EBF2: variants seen among roughly 807,000 people sequenced by gnomAD.
The protein encoded by EBF2 is EBF transcription factor 2.
A neutral mutation model predicts 72.8 loss-of-function variants in EBF2; 21 were observed. That is an observed-to-expected ratio of 0.29 (90% confidence interval 0.20 to 0.42). The LOEUF is 0.42. Among genes scored for constraint, EBF2 ranks in the 10% least tolerant of loss-of-function variants. The probability of loss-of-function intolerance (pLI) is 1.00; values close to 1 mark genes in which losing one functional copy is unlikely to be tolerated. For synonymous variants in EBF2, 299 were observed against 274.2 expected (o/e 1.09, Z -0.89); for missense variants, 637 against 731.2 (o/e 0.87, Z 1.49).
At chr8:25,877,462 C>T (rs1224377661) in intron 10 of EBF2, among the ~76,000 whole-genome samples, 4 of 152,154 alleles carry the variant, frequency 2.6e-5, no homozygotes, top group African/African-American at 9.7e-5. Context: ...TAGCAAACCA[C>T]GGTTGGTGGA....
intron 6 of EBF2, among the ~76,000 whole-genome samples, chr8:25,914,081 G>A (rs1259803023): frequency 6.6e-6 from 1 of 152,054 alleles, no homozygotes; most frequent in African/African-American, 2.4e-5. Context: ...ACATCCTTTG[G>A]GCGATTAGGC....
At chr8:25,963,794 T>A (rs1804073219) in intron 6 of EBF2, among the ~76,000 whole-genome samples, 1 of 152,188 alleles carries the variant, frequency 6.6e-6, no homozygotes, top group South Asian at 2.1e-4. Context: ...GAATGGAATA[T>A]GTGGATTGCT....
intron 10 of EBF2, among the ~76,000 whole-genome samples, chr8:25,867,299 A>G (rs1338827389): frequency 6.6e-6 from 1 of 152,228 alleles, no homozygotes; most frequent in Admixed American, 6.5e-5. Context: ...AATCTTACAT[A>G]GCATGGACAG....
chr8:26,037,583 T>C (rs747352916), intron 5 of EBF2, among the ~76,000 whole-genome samples: 4 of 152,208 alleles, frequency 2.6e-5, no homozygotes, highest in Non-Finnish European at 5.9e-5. Context: ...AGCCTGCGCC[T>C]TGTGGCGAAA....
At chr8:25,876,397 G>A (rs1389222534) in intron 10 of EBF2, among the ~76,000 whole-genome samples, 4 of 152,088 alleles carry the variant, frequency 2.6e-5, no homozygotes, top group East Asian at 1.9e-4. Context: ...CGTCCTGCAC[G>A]TGTATCCCAG....
intron 6 of EBF2, among the ~76,000 whole-genome samples, chr8:25,972,098 G>A (rs937298279): frequency 6.6e-6 from 1 of 152,238 alleles, no homozygotes; most frequent in African/African-American, 2.4e-5. Context: ...CTACGTGGCT[G>A]TTCCCCGGAA....
At position 26,009,947 on chromosome 8, in the gene EBF2, G is replaced by A. The variant is rs1804949740; in HGVS notation, c.551+23138C>T. 2.0e-5 allele frequency among the ~76,000 whole-genome samples: 3 copies of A among 152,186 alleles called. No homozygotes were observed. The South Asian group carries it at 6.2e-4, about 32-fold the overall frequency. ...ATTTCACTGGACGCCCTCCACTTCAGATACCATTGGCTCGAACTCCTATTA... is the reference window on the plus strand; with the variant it reads ...ATTTCACTGGACGCCCTCCACTTCAAATACCATTGGCTCGAACTCCTATTA... On this transcript the variant is annotated intron_variant, in intron 6 of 15. Transcript: ENST00000520164.
intron 14 of EBF2, among the ~76,000 whole-genome samples, chr8:25,854,707 A>AG (rs1054740072): frequency 6.6e-6 from 1 of 151,988 alleles, no homozygotes; most frequent in Non-Finnish European, 1.5e-5. Context: ...GAATTCAAAG[A>AG]GGTTATTCTT....
Position 25,901,305 on chromosome 8 carries a change from C to T in EBF2, c.633+7169G>A, listed in dbSNP as rs544312807. 1.3e-4 allele frequency among the ~76,000 whole-genome samples: 19 copies of T among 151,822 alleles called. No homozygotes were observed. In the South Asian group the frequency reaches 3.7e-3, roughly 30 times the overall value. The stretch of plus-strand genomic sequence containing the variant: ...GGCCTGATGGCACACACCCGTAGTC[C>T]TAGCTACTTAAGGGGCTGAGGTGGG... On this transcript the variant is annotated intron_variant, in intron 7 of 15. Transcript: ENST00000520164.
chr8:25,933,421 G>A (rs1700646506), intron 6 of EBF2, among the ~76,000 whole-genome samples: 1 of 152,128 alleles, frequency 6.6e-6, no homozygotes, highest in Admixed American at 6.5e-5. Flanking sequence ...CCACCTTATG[G>A]GGACACACAG....
intron 5 of EBF2, among the ~76,000 whole-genome samples, chr8:26,039,244 G>GA (rs906412983): frequency 2.9e-4 from 44 of 149,288 alleles, no homozygotes; most frequent in African/African-American, 1.1e-3. Context: ...TAGTCAGGCA[G>GA]AAAAAAAGGG....
chr8:26,032,495 C>A (rs1805425392), intron 6 of EBF2: 2 of 148,752 alleles, frequency 1.3e-5, no homozygotes, highest in African/African-American at 5.0e-5. Context: ...TTTGTAAGTT[C>A]TGTTTCCAAT....
chr8:25,955,158 C>T (rs1394195287), intron 6 of EBF2, among the ~76,000 whole-genome samples: 1 of 152,232 alleles, frequency 6.6e-6, no homozygotes, highest in Non-Finnish European at 1.5e-5. Context: ...GCGCCACACT[C>T]CCCGGAGCCT....
chr8:26,023,429 T>C (rs564509119), intron 6 of EBF2, among the ~76,000 whole-genome samples: 42 of 152,302 alleles, frequency 2.8e-4, no homozygotes, highest in African/African-American at 9.9e-4. Context: ...AGCTGGAAGT[T>C]GAAGCATGGC....
intron 6 of EBF2, among the ~76,000 whole-genome samples, chr8:25,979,995 G>GA (rs1047713766): frequency 1.4e-4 from 21 of 149,640 alleles, no homozygotes; most frequent in African/African-American, 3.0e-4. Context: ...AAATGAAAAG[G>GA]AAAAAAAAAG....
rs75599474 is a variant in EBF2 at position 25,914,940 on chromosome 8, T to C, written c.552-6385A>G. 5.2e-3 allele frequency among the ~76,000 whole-genome samples: 792 copies of C among 152,314 alleles called. 7 individuals are homozygous for C. Among genetic ancestry groups the C allele is most frequent in the African/African-American group, 0.018 (752 of 41,554 alleles). Reference sequence around the variant, plus strand: ...CCATTTAAGATCTGAAAAATTTAACTTTACAGAAATGTTTTAAGCAATAAA... The same window carrying C: ...CCATTTAAGATCTGAAAAATTTAACCTTACAGAAATGTTTTAAGCAATAAA... On this transcript the variant is annotated intron_variant, in intron 6 of 15. Transcript: ENST00000520164.
intron 6 of EBF2, among the ~76,000 whole-genome samples, chr8:25,909,032 T>C (rs1803084938): frequency 6.6e-6 from 1 of 152,112 alleles, no homozygotes; most frequent in Non-Finnish European, 1.5e-5. Flanking sequence ...TCAACTAATG[T>C]TTACAAAATC....
At chr8:26,007,805 CACACACAT>C (rs1379793826) in intron 6 of EBF2, among the ~76,000 whole-genome samples, 1 of 151,754 alleles carries the variant, frequency 6.6e-6, no homozygotes, top group Non-Finnish European at 1.5e-5. Context: ...TGCACACACA[CACACACAT>C]ACACACACAC....
chr8:25,984,404 G>T (rs1336534280), intron 6 of EBF2, among the ~76,000 whole-genome samples: 1 of 152,200 alleles, frequency 6.6e-6, no homozygotes, highest in Non-Finnish European at 1.5e-5. Context: ...ATTCGCGGCT[G>T]GGCGCGGTGG....
Sources: allele counts gnomAD v4.1 joint callset (sites outside exome capture counted in the v4.1 genomes callset), GRCh38; gene constraint gnomAD v4.1.1; transcripts MANE v1.5; gene names NCBI Gene and HGNC (gene_info 2026-07-23, HGNC 2026-07-21).